Variants in ST6GALNAC3 observed in about 807,000 individuals in gnomAD.
The protein encoded by ST6GALNAC3 is alpha-N-acetylgalactosaminide alpha-2,6-sialyltransferase 3.
ST6GALNAC3 carries 25 observed loss-of-function variants against 32.7 expected under a neutral mutation model. The ratio of observed to expected loss-of-function variants is 0.76; its 90% CI spans 0.56 to 1.07. ST6GALNAC3 has a LOEUF of 1.07. ST6GALNAC3 is among the 50% of genes least tolerant of loss of function. ST6GALNAC3 has a pLI of 0.00. For missense variants in ST6GALNAC3, 355 were observed against 382.4 expected, an observed-to-expected ratio of 0.93 and a Z score of 0.60; for synonymous variants, 129 against 133.1, an observed-to-expected ratio of 0.97 and a Z score of 0.21.
chr1:76,506,604 C>T lies in ST6GALNAC3; in HGVS notation c.623+94187C>T, dbSNP rs562746639. ...TTGGGGGATTTATCTAGGAATATAT[C>T]GACATGCTTTTCTTTCCAAGACACA... On this transcript the variant is annotated intron_variant, in intron 3 of 4. Coordinates refer to ENST00000328299, the MANE Select transcript of ST6GALNAC3 (RefSeq NM_152996.4). 9.7e-4 allele frequency among the ~76,000 whole-genome samples: 147 copies of T among 152,174 alleles called. 1 individual carries two copies. Among genetic ancestry groups the T allele is most frequent in the Middle Eastern group, 6.3e-3 (2 of 316 alleles).
At chr1:76,447,990 A>T (rs1191596845) in intron 3 of ST6GALNAC3, among the ~76,000 whole-genome samples, 1 of 152,012 alleles carries the variant, frequency 6.6e-6, no homozygotes, top group Non-Finnish European at 1.5e-5. Context: ...CATCCTCCAG[A>T]CCCCAGAATG....
At chr1:76,511,679 C>G (rs1368066429) in intron 3 of ST6GALNAC3, among the ~76,000 whole-genome samples, 2 of 152,178 alleles carry the variant, frequency 1.3e-5, no homozygotes, top group Non-Finnish European at 2.9e-5. Flanking sequence ...GAAACGTCTC[C>G]CTTGTGTGTG....
chr1:76,442,491 T>C (rs1485934809), intron 3 of ST6GALNAC3, among the ~76,000 whole-genome samples: 1 of 152,246 alleles, frequency 6.6e-6, no homozygotes, highest in African/African-American at 2.4e-5. Context: ...TAAATTTTAC[T>C]TTGTACACAT....
At chr1:76,088,549 C>T (rs1022239947) in intron 1 of ST6GALNAC3, among the ~76,000 whole-genome samples, 4 of 152,142 alleles carry the variant, frequency 2.6e-5, no homozygotes, top group South Asian at 2.1e-4. Context: ...CTAAGTCCAT[C>T]GTGCTGCCTG....
intron 3 of ST6GALNAC3, among the ~76,000 whole-genome samples, chr1:76,415,468 A>G (rs1019745305): frequency 2.0e-5 from 3 of 151,864 alleles, no homozygotes; most frequent in Non-Finnish European, 4.4e-5. Flanking sequence ...TGCATTCTCT[A>G]TAGGCGTCCA....
intron 3 of ST6GALNAC3, among the ~76,000 whole-genome samples, chr1:76,550,869 T>C (rs182612): frequency 0.81 from 122,775 of 152,016 alleles, 49,617 homozygotes; most frequent in Middle Eastern, 0.87. Context: ...GATTTTCCTG[T>C]CACAGCCTCC....
intron 1 of ST6GALNAC3, among the ~76,000 whole-genome samples, chr1:76,146,519 C>T (rs143447355): frequency 1.3e-5 from 2 of 152,102 alleles, no homozygotes; most frequent in African/African-American, 4.8e-5. Flanking sequence ...CTTCTTTTCT[C>T]CCTCACACTC....
chr1:76,636,717 C>T (rs1649514068), downstream of ST6GALNAC3, among the ~76,000 whole-genome samples: 2 of 152,006 alleles, frequency 1.3e-5, no homozygotes, highest in Admixed American at 1.3e-4. Context: ...TAGAATTTTG[C>T]ATCCTAGAAG....
chr1:76,145,327 A>C (rs1267473506), intron 1 of ST6GALNAC3, among the ~76,000 whole-genome samples: 1 of 152,138 alleles, frequency 6.6e-6, no homozygotes, highest in East Asian at 1.9e-4. Context: ...TATTTCATCC[A>C]ACCCCGCTGC....
At chr1:76,313,140 A>T (rs1408836814) in intron 1 of ST6GALNAC3, among the ~76,000 whole-genome samples, 2 of 152,144 alleles carry the variant, frequency 1.3e-5, no homozygotes, top group Non-Finnish European at 2.9e-5. Flanking sequence ...TAGATACAGA[A>T]ACAGAAGAAT....
At chr1:76,305,943 T>C (rs555125450) in intron 1 of ST6GALNAC3, 5 of 517,774 alleles carry the variant, frequency 9.7e-6, no homozygotes, top group Non-Finnish European at 1.9e-5. Flanking sequence ...GTGAATTAAC[T>C]AAGTTGTTAA....
At chr1:76,525,791 G>GTGTGTATATATA (rs1438917629) in intron 3 of ST6GALNAC3, among the ~76,000 whole-genome samples, 81 of 75,556 alleles carry the variant, frequency 1.1e-3, no homozygotes, top group Non-Finnish European at 1.6e-3. Context: ...GTGTGTGTGT[G>GTGTGTATATATA]TATATATATA....
intron 3 of ST6GALNAC3, among the ~76,000 whole-genome samples, chr1:76,583,728 C>CA (rs1472187069): frequency 6.6e-6 from 1 of 152,152 alleles, no homozygotes; most frequent in African/African-American, 2.4e-5. Context: ...GCTACTCTTT[C>CA]TTTTTCAGAA....
chr1:76,606,630 G>C (rs1647566055), intron 3 of ST6GALNAC3, among the ~76,000 whole-genome samples: 1 of 151,796 alleles, frequency 6.6e-6, no homozygotes, highest in South Asian at 2.1e-4. Context: ...TAATACCTAG[G>C]TGATGGGTTA....
chr1:76,100,074 G>A (rs1056572693), intron 1 of ST6GALNAC3, among the ~76,000 whole-genome samples: 1 of 152,094 alleles, frequency 6.6e-6, no homozygotes, highest in South Asian at 2.1e-4. Context: ...TTATAAACAT[G>A]TAGTTAGTTT....
At chr1:76,195,641 G>A (rs1348477928) in intron 1 of ST6GALNAC3, among the ~76,000 whole-genome samples, 1 of 152,088 alleles carries the variant, frequency 6.6e-6, no homozygotes, top group Non-Finnish European at 1.5e-5. Context: ...TTGTATATTT[G>A]GTGCAAATGT....
At chr1:76,242,880 G>T (rs553781671) in intron 1 of ST6GALNAC3, among the ~76,000 whole-genome samples, 3 of 152,170 alleles carry the variant, frequency 2.0e-5, no homozygotes, top group Admixed American at 6.5e-5. Flanking sequence ...TTGGTTCCAA[G>T]AATTTGCTAT....
intron 1 of ST6GALNAC3, among the ~76,000 whole-genome samples, chr1:76,104,686 A>G (rs559517312): frequency 4.0e-5 from 6 of 150,374 alleles, no homozygotes; most frequent in Admixed American, 4.0e-4. Flanking sequence ...CTTATCTTCA[A>G]TGGGAAGGTG....
At chr1:76,229,992 A>G (rs930369569) in intron 1 of ST6GALNAC3, among the ~76,000 whole-genome samples, 1 of 152,176 alleles carries the variant, frequency 6.6e-6, no homozygotes, top group Admixed American at 6.5e-5. Flanking sequence ...TCCTCAAAAG[A>G]TTTGGAAATA....
Sources: allele counts gnomAD v4.1 joint callset (sites outside exome capture counted in the v4.1 genomes callset), GRCh38; gene constraint gnomAD v4.1.1; transcripts MANE v1.5; gene names NCBI Gene and HGNC (gene_info 2026-07-23, HGNC 2026-07-21).